Variants in BMP2K observed in about 807,000 individuals in gnomAD.
The protein encoded by BMP2K is BMP2 inducible kinase.
Under a neutral mutation model 116.0 loss-of-function variants are expected in BMP2K, and 74 were observed. The observed-to-expected ratio is 0.64, with a 90% CI of 0.53 to 0.77. The LOEUF (loss-of-function observed/expected upper bound fraction) is 0.77, where lower values mean the gene tolerates loss of function less well. Ranked by LOEUF, BMP2K falls within the 30% of genes least tolerant of loss-of-function variation. BMP2K has a pLI of 0.00. For synonymous variants in BMP2K, 486 were observed against 502.5 expected (o/e 0.97, Z 0.44); for missense variants, 1,365 against 1,403.6 (o/e 0.97, Z 0.44).
chr4:78,865,630 A>T lies in BMP2K; in HGVS notation c.1141A>T (p.Thr381Ser). 1 of 1,614,138 alleles carries T rather than the reference A, an allele frequency of 6.2e-7. No individual in the cohort carries two copies. The change falls in exon 10 of 16, where the codon ACT becomes TCT. Residue 381 changes from threonine to serine, a missense_variant. Around this residue, in one of 3 missense-constraint regions of BMP2K, gnomAD observed 762 missense variants for 756.7 expected, o/e 1.01. Transcript: ENST00000502613. ...RQRPKANSAT[T>S]ATPSVLTIQS... ...AAGACCAAAGGCCAACTCTGCTACT[A>T]CTGCCACTCCCAGTGTGCTGACCAT...
At chr4:78,826,790 A>G (rs1485611957) in intron 2 of BMP2K, among the ~76,000 whole-genome samples, 1 of 151,968 alleles carries the variant, frequency 6.6e-6, no homozygotes, top group South Asian at 2.1e-4. Flanking sequence ...TTTTTCTTAA[A>G]TACTTTTTAA....
intron 3 of BMP2K, among the ~76,000 whole-genome samples, chr4:78,840,992 A>C (rs1730732868): frequency 1.3e-5 from 2 of 152,194 alleles, no homozygotes; most frequent in Non-Finnish European, 2.9e-5. Context: ...TAATTAAAAG[A>C]CAGGGAGTCT....
intron 3 of BMP2K, among the ~76,000 whole-genome samples, chr4:78,837,382 A>G (rs1179597904): frequency 6.6e-6 from 1 of 151,624 alleles, no homozygotes; most frequent in Non-Finnish European, 1.5e-5. Context: ...TTTAGTAGAG[A>G]TGGGGTTTTG....
At chr4:78,819,976 ATAG>A (rs1304110452) in intron 1 of BMP2K, among the ~76,000 whole-genome samples, 3 of 152,130 alleles carry the variant, frequency 2.0e-5, no homozygotes, top group Admixed American at 6.6e-5. Flanking sequence ...TTGTCATCTA[ATAG>A]TAGGGTGTGG....
chr4:78,862,017 A>AT (rs1023607530), intron 9 of BMP2K, among the ~76,000 whole-genome samples: 9 of 151,860 alleles, frequency 5.9e-5, no homozygotes, highest in Non-Finnish European at 7.4e-5. Context: ...TTAATGATTG[A>AT]TTTTTCCCCC....
At chr4:78,894,406 C>G (rs898453810) in intron 15 of BMP2K, among the ~76,000 whole-genome samples, 1 of 152,226 alleles carries the variant, frequency 6.6e-6, no homozygotes. Context: ...TAACTTGTTA[C>G]ACTTCCTGCG....
At chr4:78,909,497 T>A (rs1208628723) in intron 15 of BMP2K, among the ~76,000 whole-genome samples, 3 of 152,170 alleles carry the variant, frequency 2.0e-5, no homozygotes, top group African/African-American at 4.8e-5. Context: ...CAGTCTGGCC[T>A]TTTCCAGTCT....
intron 1 of BMP2K, among the ~76,000 whole-genome samples, chr4:78,792,974 A>G (rs1416211773): frequency 6.6e-6 from 1 of 152,194 alleles, no homozygotes; most frequent in Non-Finnish European, 1.5e-5. Flanking sequence ...CCAAAACAAC[A>G]TATCATATAG....
At chr4:78,887,126 A>C (rs973715377) in intron 14 of BMP2K, 48 bp from the exon 15 acceptor site, 1 of 1,305,404 alleles carries the variant, frequency 7.7e-7, no homozygotes, top group East Asian at 2.5e-5. Flanking sequence ...TTTAAAGATC[A>C]TTTTTATTTC....
Position 78,834,054 on chromosome 4 carries a change from TA to T in BMP2K, c.403+370del, listed in dbSNP as rs561134907. On this transcript the variant is annotated intron_variant, in intron 3 of 15. Coordinates refer to ENST00000502613, the MANE Select transcript of BMP2K (RefSeq NM_198892.2). ...TTTCCAGAACTCTACTACGTTATTG[TA>T]AACATTAAATTTAACAAATTTGGAG... 1.1e-3 allele frequency among the ~76,000 whole-genome samples: 166 copies of T among 152,278 alleles called. 4 individuals carry two copies. In the South Asian group the frequency reaches 0.011, roughly 10 times the overall value.
chr4:78,839,890 G>T (rs910704002), intron 3 of BMP2K, among the ~76,000 whole-genome samples: 2 of 152,038 alleles, frequency 1.3e-5, no homozygotes, highest in African/African-American at 4.8e-5. Context: ...CCAGATTAAG[G>T]GTGGGTCTGC....
At chr4:78,828,272 G>A (rs376781896) in intron 2 of BMP2K, among the ~76,000 whole-genome samples, 1 of 152,166 alleles carries the variant, frequency 6.6e-6, no homozygotes, top group Non-Finnish European at 1.5e-5. Flanking sequence ...CTTATGGTTA[G>A]TGGCATATTT....
At chr4:78,875,455 T>C (rs1424647419) in intron 13 of BMP2K, among the ~76,000 whole-genome samples, 1 of 152,232 alleles carries the variant, frequency 6.6e-6, no homozygotes, top group African/African-American at 2.4e-5. Flanking sequence ...TCAGAGAGTA[T>C]TACTGTGTTA....
rs929271757 is a variant in BMP2K at position 78,911,911 on chromosome 4, G to A, written c.3364G>A (p.Asp1122Asn). 1 of 1,613,856 alleles carries A rather than the reference G, an allele frequency of 6.2e-7. No individual in the cohort carries two copies. The highest frequency in any genetic ancestry group is 1.3e-5 in the African/African-American group (1 of 74,912). The change falls in exon 16 of 16, where the codon GAT (aspartate) becomes AAT (asparagine). Residue 1122 changes from aspartate to asparagine, a missense_variant. By Grantham distance (23) the Asp-to-Asn change is conservative. Around this residue, in one of 3 missense-constraint regions of BMP2K, gnomAD observed 596 missense variants for 623.2 expected, o/e 0.96. Transcript: ENST00000502613. ...TAGTGCAGATGTATTGAAAATGGATGATTTTGGTGCCGTGCCCTTTACAGA... is the reference window on the plus strand; with the variant it reads ...TAGTGCAGATGTATTGAAAATGGATAATTTTGGTGCCGTGCCCTTTACAGA... Reference protein sequence around the residue: ...FHSADVLKMDDFGAVPFTELV... With the variant: ...FHSADVLKMDNFGAVPFTELV...
At chr4:78,779,754 ATGTT>A (rs1362891465) in intron 1 of BMP2K, among the ~76,000 whole-genome samples, 5 of 152,210 alleles carry the variant, frequency 3.3e-5, no homozygotes, top group African/African-American at 1.2e-4. Context: ...GGTAGGTTGT[ATGTT>A]ATAACTAAAC....
At chr4:78,872,935 C>T (rs1461201156) in intron 13 of BMP2K, 137 bp downstream of exon 13, 1 of 887,830 alleles carries the variant, frequency 1.1e-6, no homozygotes, top group African/African-American at 1.7e-5. Context: ...CTTCCTAGTC[C>T]TGTCTTCTGG....
chr4:78,873,940 G>T (rs2110062636), intron 13 of BMP2K, among the ~76,000 whole-genome samples: 1 of 152,240 alleles, frequency 6.6e-6, no homozygotes, highest in East Asian at 1.9e-4. Context: ...AGCACTTTGG[G>T]TGACCAGGGC....
chr4:78,810,087 C>T (rs889700554), intron 1 of BMP2K, among the ~76,000 whole-genome samples: 1 of 152,222 alleles, frequency 6.6e-6, no homozygotes, highest in Non-Finnish European at 1.5e-5. Context: ...CTGTGGGTTG[C>T]CACTGAAGTC....
chr4:78,823,163 C>A (rs1341345687), intron 1 of BMP2K, among the ~76,000 whole-genome samples: 1 of 152,016 alleles, frequency 6.6e-6, no homozygotes, highest in Non-Finnish European at 1.5e-5. Flanking sequence ...TAAGATCTGT[C>A]TAAATTAGGG....
Sources: allele counts gnomAD v4.1 joint callset (sites outside exome capture counted in the v4.1 genomes callset), GRCh38; gene constraint gnomAD v4.1.1; regional missense constraint gnomAD v4.1.1; transcripts MANE v1.5; gene names NCBI Gene and HGNC (gene_info 2026-07-23, HGNC 2026-07-21).